Variants in PID1 observed in about 807,000 individuals in gnomAD.
The protein encoded by PID1 is PTB-containing, cubilin and LRP1-interacting protein.
A neutral mutation model predicts 19.1 loss-of-function variants in PID1; 10 were observed. The ratio of observed to expected loss-of-function variants is 0.52; its 90% CI spans 0.32 to 0.89. The LOEUF (loss-of-function observed/expected upper bound fraction) is 0.89. Among genes scored for constraint, PID1 ranks in the 40% least tolerant of loss-of-function variants. PID1 has a pLI of 0.03. For synonymous variants in PID1, 130 were observed against 116.0 expected, an observed-to-expected ratio of 1.12 and a Z score of -0.78; for missense variants, 248 against 285.3, an observed-to-expected ratio of 0.87 and a Z score of 0.94.
chr2:229,027,175 G>C (rs1296465244), intron 2 of PID1, among the ~76,000 whole-genome samples: 7 of 152,146 alleles, frequency 4.6e-5, no homozygotes, highest in Non-Finnish European at 1.0e-4. Context: ...TATTTAGTGG[G>C]ACAATACAGG....
At position 229,125,101 on chromosome 2, in the gene PID1, G is replaced by A. The variant is rs560503008; in HGVS notation, c.177+30717C>T. Among the ~76,000 whole-genome samples, 139 of 152,218 alleles carry A rather than the reference G, an allele frequency of 9.1e-4. 3 individuals carry two copies. The highest frequency in any genetic ancestry group is 8.9e-3 in the South Asian group (43 of 4,828). On this transcript the variant is annotated intron_variant, in intron 2 of 2. Transcript: ENST00000392055. ...ACTTTACTCTTTCAAGTTAGCTTTC[G>A]CTGCAAGACTTGCTCTGGCCAATAA... is the stretch of plus-strand genomic sequence containing the variant.
intron 1 of PID1, among the ~76,000 whole-genome samples, chr2:229,219,610 T>C (rs1263728539): frequency 2.6e-5 from 4 of 152,132 alleles, no homozygotes; most frequent in African/African-American, 9.7e-5. Flanking sequence ...CATAGCTCAT[T>C]GCAGCTTCAA....
intron 2 of PID1, among the ~76,000 whole-genome samples, chr2:229,070,443 A>C (rs1006339922): frequency 6.6e-5 from 10 of 152,226 alleles, no homozygotes; most frequent in Admixed American, 2.0e-4. Flanking sequence ...TAGAGGAAGT[A>C]AGAATTTGCT....
At chr2:229,070,146 T>C (rs1694423283) in intron 2 of PID1, among the ~76,000 whole-genome samples, 1 of 152,172 alleles carries the variant, frequency 6.6e-6, no homozygotes. Context: ...CTGTAATCTT[T>C]TCTAAATATG....
chr2:229,242,079 C>T (rs1055782718), intron 1 of PID1, among the ~76,000 whole-genome samples: 1 of 152,008 alleles, frequency 6.6e-6, no homozygotes, highest in Non-Finnish European at 1.5e-5. Context: ...TTATTTCACC[C>T]AGGCTTTTCT....
intron 2 of PID1, among the ~76,000 whole-genome samples, chr2:229,087,449 G>A (rs149238717): frequency 1.3e-3 from 202 of 152,282 alleles, no homozygotes; most frequent in Non-Finnish European, 1.7e-3. Flanking sequence ...ACTGGCAGCC[G>A]CATAAGAGGG....
intron 1 of PID1, chr2:229,262,824 A>G: frequency 2.6e-6 from 4 of 1,550,906 alleles, no homozygotes; most frequent in South Asian, 1.2e-5. Context: ...TTATGATGCC[A>G]TAACTCCGGT....
At chr2:229,208,312 AT>A (rs976692340) in intron 1 of PID1, among the ~76,000 whole-genome samples, 36 of 152,156 alleles carry the variant, frequency 2.4e-4, no homozygotes, top group Admixed American at 2.0e-4. Context: ...GAAGGGAAAC[AT>A]TTTTTTCTTA....
At chr2:229,075,182 G>GT (rs1694532756) in intron 2 of PID1, among the ~76,000 whole-genome samples, 1 of 152,104 alleles carries the variant, frequency 6.6e-6, no homozygotes. Context: ...TACGAGGAAC[G>GT]TAACGCATAA....
At chr2:229,222,623 G>A (rs1691995361) in intron 1 of PID1, among the ~76,000 whole-genome samples, 1 of 151,872 alleles carries the variant, frequency 6.6e-6, no homozygotes, top group Non-Finnish European at 1.5e-5. Flanking sequence ...GAAGCAGGTT[G>A]TCCTCCCCAG....
At position 229,184,401 on chromosome 2, in the gene PID1, C is replaced by T. The variant is rs1316824901; in HGVS notation, c.31-28437G>A. Among the ~76,000 whole-genome samples the T allele has an allele frequency of 2.4e-3, 64 of 26,726 alleles. 27 individuals are homozygous for T. The highest frequency in any genetic ancestry group is 0.014 in the African/African-American group (57 of 4,018). 17.5% of individuals were successfully genotyped at this position (26,726 alleles called of 152,430 possible). On this transcript the variant is annotated intron_variant, in intron 1 of 2. Coordinates refer to ENST00000392055, the MANE Select transcript of PID1 (RefSeq NM_001100818.2). ...ATATCTATCCCGTATATATCTATCCCGTATATATCTATCCCGTATATATAT... is the reference window on the plus strand; with the variant it reads ...ATATCTATCCCGTATATATCTATCCTGTATATATCTATCCCGTATATATAT...
chr2:229,239,032 G>T (rs963099419), intron 1 of PID1, among the ~76,000 whole-genome samples: 3 of 151,976 alleles, frequency 2.0e-5, no homozygotes, highest in Non-Finnish European at 4.4e-5. Flanking sequence ...AGAACTCTTA[G>T]ATTCTGCTTT....
intron 2 of PID1, among the ~76,000 whole-genome samples, chr2:229,105,207 T>C (rs1027028798): frequency 6.6e-6 from 1 of 152,208 alleles, no homozygotes; most frequent in African/African-American, 2.4e-5. Context: ...GGAATTTCCA[T>C]GAGCCAGGGA....
chr2:229,075,694 T>G (rs2106206181), intron 2 of PID1, among the ~76,000 whole-genome samples: 1 of 152,318 alleles, frequency 6.6e-6, no homozygotes, highest in African/African-American at 2.4e-5. Flanking sequence ...TTTGCCACAC[T>G]TTCTCTGATG....
intron 1 of PID1, among the ~76,000 whole-genome samples, chr2:229,233,450 G>A (rs1193229236): frequency 6.6e-6 from 1 of 151,126 alleles, no homozygotes; most frequent in African/African-American, 2.4e-5. Flanking sequence ...GAAATGAAGG[G>A]TCTTGAAATC....
chr2:229,251,426 T>C (rs913861767), intron 1 of PID1, among the ~76,000 whole-genome samples: 2 of 152,214 alleles, frequency 1.3e-5, no homozygotes, highest in Non-Finnish European at 2.9e-5. Flanking sequence ...TCTATTCCAC[T>C]GTCAGTATAC....
intron 2 of PID1, among the ~76,000 whole-genome samples, chr2:229,139,675 T>TA (rs774760182): frequency 6.6e-6 from 1 of 152,158 alleles, no homozygotes; most frequent in Non-Finnish European, 1.5e-5. Flanking sequence ...AACTGGCTGC[T>TA]AGTTGTCAAT....
chr2:229,204,504 AAGG>A (rs1038918678), intron 1 of PID1, among the ~76,000 whole-genome samples: 3 of 152,136 alleles, frequency 2.0e-5, no homozygotes, highest in African/African-American at 4.8e-5. Flanking sequence ...ACATCTTGTC[AAGG>A]AGTTCTCTGA....
chr2:229,056,941 G>T (rs753613166), intron 2 of PID1, among the ~76,000 whole-genome samples: 2 of 152,110 alleles, frequency 1.3e-5, no homozygotes, highest in Non-Finnish European at 2.9e-5. Flanking sequence ...TCCAACAAAG[G>T]ATTGTCGGCT....
Sources: allele counts gnomAD v4.1 joint callset (sites outside exome capture counted in the v4.1 genomes callset), GRCh38; gene constraint gnomAD v4.1.1; transcripts MANE v1.5; gene names NCBI Gene and HGNC (gene_info 2026-07-23, HGNC 2026-07-21).